Variants in PLCL1 observed in about 807,000 individuals in gnomAD.
PLCL1 encodes phospholipase C like 1 (inactive).
PLCL1 carries 41 observed loss-of-function variants against 84.4 expected under a neutral mutation model. The ratio of observed to expected loss-of-function variants is 0.49; its 90% CI spans 0.38 to 0.63. The LOEUF (loss-of-function observed/expected upper bound fraction) is 0.63, where lower values mean the gene tolerates loss of function less well. PLCL1 is among the 30% of genes least tolerant of loss of function. The pLI is 0.00. For missense variants in PLCL1, 1,206 were observed against 1,367.8 expected, an observed-to-expected ratio of 0.88 and a Z score of 1.87; for synonymous variants, 490 against 488.3, an observed-to-expected ratio of 1.00 and a Z score of -0.05.
intron 1 of PLCL1, among the ~76,000 whole-genome samples, chr2:198,062,316 T>C (rs1692223414): frequency 6.6e-6 from 1 of 152,176 alleles, no homozygotes; most frequent in South Asian, 2.1e-4. Context: ...TGTGATAAAT[T>C]TTTTCTTAAA....
intron 1 of PLCL1, among the ~76,000 whole-genome samples, chr2:198,010,487 T>A (rs760699694): frequency 6.6e-6 from 1 of 152,006 alleles, no homozygotes; most frequent in Non-Finnish European, 1.5e-5. Context: ...TATTTTGAAC[T>A]ATTCTTTCAT....
chr2:197,910,597 T>C (rs1688468529), intron 1 of PLCL1, among the ~76,000 whole-genome samples: 2 of 152,238 alleles, frequency 1.3e-5, no homozygotes, highest in Admixed American at 6.5e-5. Context: ...GTCAATTGCT[T>C]TGAAGCAGAA....
At chr2:197,962,388 G>A (rs928971161) in intron 1 of PLCL1, among the ~76,000 whole-genome samples, 1 of 152,108 alleles carries the variant, frequency 6.6e-6, no homozygotes, top group Non-Finnish European at 1.5e-5. Flanking sequence ...CTTCAACTCA[G>A]AGTTCTTCTG....
rs188810274 is a variant in PLCL1, at chr2:197,992,036, A to G, written c.241-91722A>G. ...TGATGAGGCCCCTTGCTTGCTTCTCAGCATTCATTTTTTTTTTTTATGATT... is the reference window on the plus strand; with the variant it reads ...TGATGAGGCCCCTTGCTTGCTTCTCGGCATTCATTTTTTTTTTTTATGATT... On this transcript the variant is annotated intron_variant, in intron 1 of 5. Coordinates refer to ENST00000428675, the MANE Select transcript of PLCL1 (RefSeq NM_006226.4). Among the ~76,000 whole-genome samples, 686 of 149,964 alleles carry G rather than the reference A, an allele frequency of 4.6e-3. 5 individuals carry two copies. The highest frequency in any genetic ancestry group is 0.016 in the African/African-American group (657 of 40,454).
At chr2:198,060,814 C>A (rs1040906328) in intron 1 of PLCL1, among the ~76,000 whole-genome samples, 1 of 151,842 alleles carries the variant, frequency 6.6e-6, no homozygotes, top group Admixed American at 6.6e-5. Flanking sequence ...AGATGTCATC[C>A]CTTGAGGTGA....
At chr2:197,908,621 T>C (rs983368519) in intron 1 of PLCL1, among the ~76,000 whole-genome samples, 1 of 152,228 alleles carries the variant, frequency 6.6e-6, no homozygotes, top group Non-Finnish European at 1.5e-5. Flanking sequence ...TTCTAACTCA[T>C]CTTCTTATCA....
intron 1 of PLCL1, among the ~76,000 whole-genome samples, chr2:198,023,887 C>T (rs1286988057): frequency 2.0e-5 from 3 of 152,092 alleles, no homozygotes; most frequent in East Asian, 3.9e-4. Context: ...CCCAGCAATC[C>T]CATTTCTGGG....
At chr2:197,851,093 G>A (rs1307297224) in intron 1 of PLCL1, among the ~76,000 whole-genome samples, 1 of 152,166 alleles carries the variant, frequency 6.6e-6, no homozygotes, top group Non-Finnish European at 1.5e-5. Context: ...TCATCACTGG[G>A]CACTCCCACA....
intron 5 of PLCL1, among the ~76,000 whole-genome samples, chr2:198,126,551 G>T (rs989056): frequency 6.6e-6 from 1 of 152,084 alleles, no homozygotes; most frequent in Non-Finnish European, 1.5e-5. Context: ...TAACCATGAC[G>T]TCAACCTAGA....
chr2:197,892,113 C>A lies in PLCL1; in HGVS notation c.240+86774C>A, dbSNP rs191336842. 1.8e-3 allele frequency among the ~76,000 whole-genome samples: 271 copies of A among 152,284 alleles called. 1 individual carries two copies. Among genetic ancestry groups the A allele is most frequent in the African/African-American group, 5.9e-3 (247 of 41,546 alleles). ...GTGCAAATAACATCCTGTTTACTCA[C>A]GATTTACTATGTGAAAGCTTCAATG... is the stretch of plus-strand genomic sequence containing the variant. On this transcript the variant is annotated intron_variant, in intron 1 of 5. Coordinates refer to ENST00000428675, the MANE Select transcript of PLCL1 (RefSeq NM_006226.4).
chr2:198,123,952 A>G (rs2105930103), intron 5 of PLCL1, among the ~76,000 whole-genome samples: 1 of 152,148 alleles, frequency 6.6e-6, no homozygotes, highest in South Asian at 2.1e-4. Context: ...CTGGTGCCAA[A>G]AAGGTTGGGG....
intron 5 of PLCL1, among the ~76,000 whole-genome samples, chr2:198,120,137 C>G (rs773952084): frequency 1.3e-5 from 2 of 151,846 alleles, no homozygotes; most frequent in South Asian, 4.1e-4. Flanking sequence ...GTTTTTCTTA[C>G]TTCAACCTCT....
At chr2:198,090,897 C>T (rs904586526) in intron 3 of PLCL1, among the ~76,000 whole-genome samples, 2 of 152,182 alleles carry the variant, frequency 1.3e-5, no homozygotes, top group African/African-American at 4.8e-5. Context: ...CCATTTCACA[C>T]CCCCGAGTGT....
chr2:197,846,541 A>C (rs1031450028), intron 1 of PLCL1, among the ~76,000 whole-genome samples: 4 of 152,138 alleles, frequency 2.6e-5, no homozygotes, highest in Admixed American at 1.3e-4. Flanking sequence ...AGATTTAAAA[A>C]CACATTTATT....
intron 1 of PLCL1, among the ~76,000 whole-genome samples, chr2:198,004,699 A>G (rs1433282961): frequency 1.3e-5 from 2 of 152,260 alleles, no homozygotes; most frequent in Non-Finnish European, 2.9e-5. Context: ...ACTGGAAAGA[A>G]TAGACTTAAG....
In PLCL1 at chr2:198,083,963, C is replaced by T. The variant is rs775400640; in HGVS notation, c.446C>T (p.Ser149Leu). Residue 149 changes from serine to leucine, a missense_variant, in exon 2 of 6, where the codon TCA (serine) becomes TTA (leucine). Transcript: ENST00000428675. ...CTTCAAGCTCTTCGCTGGGAACCTTCAAAGAAAGACCTCGAGAAAGCCAAG... is the reference window on the plus strand; with the variant it reads ...CTTCAAGCTCTTCGCTGGGAACCTTTAAAGAAAGACCTCGAGAAAGCCAAG... ...TDLQALRWEP[S>L]KKDLEKAKLD... 6.8e-6 allele frequency: 11 copies of T among 1,613,958 alleles called. No individual in the cohort carries two copies. Among genetic ancestry groups the T allele is most frequent in the African/African-American group, 1.3e-5 (1 of 74,914 alleles).
At chr2:197,815,965 C>A (rs902568715) in intron 1 of PLCL1, among the ~76,000 whole-genome samples, 3 of 152,088 alleles carry the variant, frequency 2.0e-5, no homozygotes, top group Non-Finnish European at 4.4e-5. Flanking sequence ...GAAATGACAA[C>A]AAAAGATTTA....
chr2:197,942,110 A>T (rs1438473102), intron 1 of PLCL1, among the ~76,000 whole-genome samples: 1 of 151,970 alleles, frequency 6.6e-6, no homozygotes, highest in Non-Finnish European at 1.5e-5. Flanking sequence ...TCTGGTATTT[A>T]CCTCCTCATG....
At chr2:197,838,266 A>T (rs886949500) in intron 1 of PLCL1, among the ~76,000 whole-genome samples, 1 of 152,220 alleles carries the variant, frequency 6.6e-6, no homozygotes, top group Non-Finnish European at 1.5e-5. Flanking sequence ...AAACTGCCTT[A>T]TGCTTTCCTC....
Sources: gnomAD v4.1 joint callset for allele counts (sites outside exome capture counted in the v4.1 genomes callset) on GRCh38, gnomAD v4.1.1 for gene constraint, MANE v1.5 for transcripts, NCBI Gene and HGNC (gene_info 2026-07-23, HGNC 2026-07-21) for gene names.